The following C2orf42 variants were observed in gnomAD, a reference collection of about 807,000 sequenced individuals.
C2orf42 encodes uncharacterized protein C2orf42.
C2orf42 carries 44 observed loss-of-function variants against 58.9 expected under a neutral mutation model. The ratio of observed to expected loss-of-function variants is 0.75; its 90% confidence interval spans 0.59 to 0.96. The LOEUF (loss-of-function observed/expected upper bound fraction) is 0.96. Among genes scored for constraint, C2orf42 ranks in the 40% least tolerant of loss-of-function variants. The pLI, the probability that C2orf42 is intolerant of heterozygous loss-of-function variation, is 0.00. For missense variants in C2orf42, 630 were observed against 699.2 expected (o/e 0.90, Z 1.12); for synonymous variants, 239 against 265.4 (o/e 0.90, Z 0.97).
chr2:70,155,989 C>T (rs1672649770), intron 9 of C2orf42, among the ~76,000 whole-genome samples: 1 of 151,686 alleles, frequency 6.6e-6, no homozygotes, highest in African/African-American at 2.4e-5. Flanking sequence ...AACCCCATCT[C>T]TACTAAAAAT....
At chr2:70,175,927 C>T (rs1674162219) in intron 4 of C2orf42, 150 bp from the exon 5 acceptor site, 3 of 588,212 alleles carry the variant, frequency 5.1e-6, no homozygotes, top group South Asian at 4.3e-5. Context: ...AGTCTTTACA[C>T]ATAAAATTTT....
intron 5 of C2orf42, among the ~76,000 whole-genome samples, chr2:70,171,227 G>C (rs1673797017): frequency 6.6e-6 from 1 of 152,164 alleles, no homozygotes; most frequent in Non-Finnish European, 1.5e-5. Flanking sequence ...AGTGAGCCGA[G>C]ATCATGCCTC....
intron 6 of C2orf42, among the ~76,000 whole-genome samples, chr2:70,167,538 C>T (rs750257620): frequency 1.4e-4 from 21 of 151,590 alleles, no homozygotes; most frequent in Non-Finnish European, 2.5e-4. Flanking sequence ...GTCAGAAGTT[C>T]GAGACCAGCC....
At chr2:70,157,131 C>T (rs1033630288) in intron 9 of C2orf42, among the ~76,000 whole-genome samples, 1 of 152,030 alleles carries the variant, frequency 6.6e-6, no homozygotes, top group African/African-American at 2.4e-5. Flanking sequence ...TAGTCTTTGG[C>T]AGGTCAAAGA....
intron 5 of C2orf42, 74 bp from the exon 6 acceptor site, chr2:70,169,735 T>C: frequency 1.3e-6 from 1 of 748,066 alleles, no homozygotes; most frequent in Non-Finnish European, 2.3e-6. Flanking sequence ...AATTGAAGTT[T>C]GAAAAAGTTA....
At chr2:70,166,427 A>C (rs547942424) in intron 6 of C2orf42, among the ~76,000 whole-genome samples, 2 of 147,010 alleles carry the variant, frequency 1.4e-5, no homozygotes, top group African/African-American at 5.0e-5. Context: ...GCACTTTGGG[A>C]GGCCGAGGTG....
At chr2:70,184,479 ATTTTTTTTTTTTTT>A (rs771522645) in intron 1 of C2orf42, among the ~76,000 whole-genome samples, 5 of 77,380 alleles carry the variant, frequency 6.5e-5, no homozygotes, top group African/African-American at 2.9e-4. Flanking sequence ...GCCTGGCCCT[ATTTTTTTTTTTTTT>A]TTTTTTTTTT....
chr2:70,183,439 T>A lies in C2orf42; in HGVS notation c.-281-504A>T, dbSNP rs375380995. ...GCAGGACCCCATCTCTTTTTTTTTTTCTTCTTTGAGATGGAGTCTCACTCT... is the reference window on the plus strand; with the variant it reads ...GCAGGACCCCATCTCTTTTTTTTTTACTTCTTTGAGATGGAGTCTCACTCT... On this transcript the variant is annotated intron_variant, in intron 1 of 9. Coordinates refer to ENST00000264434, the MANE Select transcript of C2orf42 (RefSeq NM_017880.3). Among the ~76,000 whole-genome samples the A allele has an allele frequency of 4.7e-4, 71 of 151,590 alleles. 2 individuals carry two copies. The South Asian group carries it at 0.014, about 29-fold the overall frequency.
At chr2:70,160,942 A>G (rs563765932) in intron 8 of C2orf42, among the ~76,000 whole-genome samples, 155 bp from the exon 9 acceptor site, 1 of 152,292 alleles carries the variant, frequency 6.6e-6, no homozygotes, top group South Asian at 2.1e-4. Context: ...AATCCTGTCA[A>G]CAAATCTGCC....
Position 70,150,103 on chromosome 2 carries a change from TTC to T in C2orf42, c.*251_*252del. Reference sequence around the variant, plus strand: ...AAGAAGGAAAATAAGCTGGTTTTCTTTCTGTTCCTTTTAAAACTCTAGCCAGA... The same window carrying T: ...AAGAAGGAAAATAAGCTGGTTTTCTTTGTTCCTTTTAAAACTCTAGCCAGA... On this transcript the variant is annotated 3_prime_UTR_variant, in exon 10 of 10. Transcript: ENST00000264434. 3.8e-6 allele frequency: 2 copies of T among 522,948 alleles called. No homozygotes were observed. The highest frequency in any genetic ancestry group is 2.3e-5 in the South Asian group (1 of 43,950). The allele number at this position is 522,948 out of a possible 1,614,324, so 32.4% of individuals were successfully genotyped here.
intron 1 of C2orf42, among the ~76,000 whole-genome samples, chr2:70,188,379 G>A (rs1486769132): frequency 2.0e-5 from 3 of 151,706 alleles, no homozygotes; most frequent in African/African-American, 4.8e-5. Context: ...TAGTTGAGAC[G>A]GGGTTTCTCC....
intron 1 of C2orf42, among the ~76,000 whole-genome samples, chr2:70,187,235 T>G (rs951462978): frequency 6.7e-6 from 1 of 148,946 alleles, no homozygotes; most frequent in Non-Finnish European, 1.5e-5. Flanking sequence ...TTCCACTCTT[T>G]TATCTTTTCT....
chr2:70,159,213 A>G (rs1216649915), intron 9 of C2orf42, among the ~76,000 whole-genome samples: 1 of 152,086 alleles, frequency 6.6e-6, no homozygotes, highest in Non-Finnish European at 1.5e-5. Flanking sequence ...TTTAAAAGCT[A>G]CAAAAATAAA....
chr2:70,175,148 G>C (rs1365312027), intron 5 of C2orf42, among the ~76,000 whole-genome samples: 1 of 152,074 alleles, frequency 6.6e-6, no homozygotes, highest in Non-Finnish European at 1.5e-5. Context: ...TTTAGGTAGA[G>C]ACAGGGTTTT....
At chr2:70,163,624 C>A (rs562544936) in intron 8 of C2orf42, among the ~76,000 whole-genome samples, 1 of 152,004 alleles carries the variant, frequency 6.6e-6, no homozygotes, top group Non-Finnish European at 1.5e-5. Flanking sequence ...CCAAGGTGGG[C>A]GGATCACTTG....
Position 70,167,272 on chromosome 2 carries a change from C to T in C2orf42, c.1145-1637G>A, listed in dbSNP as rs1673465005. ...ACTTGGGAGGCTGAGGCAGGAGAAT[C>T]GCCTGAACCTGGGAGGCGGAGGTTG... On this transcript the variant is annotated intron_variant, in intron 6 of 9. Transcript: ENST00000264434. 2.6e-5 allele frequency among the ~76,000 whole-genome samples: 4 copies of T among 151,606 alleles called. No individual in the cohort carries two copies. In the South Asian group the frequency reaches 6.2e-4, roughly 24 times the overall value.
chr2:70,165,153 GA>G lies in C2orf42; in HGVS notation c.1291del (p.Ser431ProfsTer17), dbSNP rs1233431940. ...ATTAGTGATATGCCAAGTATACTTG[GA>G]AAAGGTTCCCAGTGGCAAGGCATCT... is the stretch of plus-strand genomic sequence containing the variant. ...RKDALPLGTF[S>X]KYTWHITNIL... On this transcript the variant is annotated frameshift_variant, in exon 8 of 10. Transcript: ENST00000264434. LOFTEE classifies it high-confidence loss of function. 3 of 1,611,456 alleles carry G rather than the reference GA, an allele frequency of 1.9e-6. 1 individual carries two copies. Among genetic ancestry groups the G allele is most frequent in the South Asian group, 1.1e-5 (1 of 90,540 alleles).
At chr2:70,160,861 A>G in intron 8 of C2orf42, 74 bp from the exon 9 acceptor site, 5 of 892,608 alleles carry the variant, frequency 5.6e-6, no homozygotes, top group Non-Finnish European at 1.7e-6. Flanking sequence ...GGATGACGAC[A>G]AATCTTTTAT....
At chr2:70,181,083 C>A in intron 3 of C2orf42, 80 bp downstream of exon 3, 1 of 660,488 alleles carries the variant, frequency 1.5e-6, no homozygotes, top group Non-Finnish European at 2.5e-6. Flanking sequence ...GTTGCTAAGA[C>A]AATCTCCAAA....
Sources: allele counts gnomAD v4.1 joint callset (sites outside exome capture counted in the v4.1 genomes callset), GRCh38; gene constraint gnomAD v4.1.1; transcripts MANE v1.5; gene names NCBI Gene and HGNC (gene_info 2026-07-23, HGNC 2026-07-21).